Variants in PTK2B observed in about 807,000 individuals in gnomAD.
PTK2B encodes the protein protein tyrosine kinase 2 beta.
A neutral mutation model predicts 142.9 loss-of-function variants in PTK2B; 71 were observed. The ratio of observed to expected loss-of-function variants is 0.50; its 90% CI spans 0.41 to 0.61. The LOEUF is 0.61. Among genes scored for constraint, PTK2B ranks in the 20% least tolerant of loss-of-function variants. The pLI, the probability that PTK2B is intolerant of heterozygous loss-of-function variation, is 0.00. For missense variants in PTK2B, 1,105 were observed against 1,320.4 expected, an observed-to-expected ratio of 0.84 and a Z score of 2.53; for synonymous variants, 519 against 503.4, an observed-to-expected ratio of 1.03 and a Z score of -0.42.
intron 2 of PTK2B, 129 bp from the exon 3 acceptor site, chr8:27,419,766 A>C: frequency 1.0e-6 from 1 of 963,990 alleles, no homozygotes; most frequent in South Asian, 1.7e-5. Context: ...AATGCTAGAG[A>C]ATCAGAGACA....
At chr8:27,425,732 G>A (rs372712153) in intron 5 of PTK2B, among the ~76,000 whole-genome samples, 10 of 152,112 alleles carry the variant, frequency 6.6e-5, no homozygotes, top group Non-Finnish European at 1.2e-4. Context: ...ATAGCATTAC[G>A]CAGAGTAGTT....
intron 1 of PTK2B, among the ~76,000 whole-genome samples, chr8:27,370,502 G>A (rs532192186): frequency 3.3e-5 from 5 of 152,132 alleles, no homozygotes; most frequent in South Asian, 4.1e-4. Flanking sequence ...CTTCCGTTAC[G>A]GCCTTCATCC....
chr8:27,347,242 T>C (rs1158444712), intron 1 of PTK2B, among the ~76,000 whole-genome samples: 3 of 148,942 alleles, frequency 2.0e-5, no homozygotes, highest in African/African-American at 7.4e-5. Flanking sequence ...TAACCAAGCA[T>C]GGTGGCATGC....
At chr8:27,317,792 G>A (rs1352164245) in intron 3 of PTK2B, among the ~76,000 whole-genome samples, 1 of 152,038 alleles carries the variant, frequency 6.6e-6, no homozygotes, top group Admixed American at 6.6e-5. Flanking sequence ...TTCGGCTTTC[G>A]ACCTCTTGTT....
intron 2 of PTK2B, 103 bp from the exon 3 acceptor site, chr8:27,419,792 C>G (rs1809628440): frequency 1.6e-6 from 2 of 1,263,790 alleles, no homozygotes; most frequent in Non-Finnish European, 2.2e-6. Context: ...AACATGAAGA[C>G]AGAATCCCAC....
intron 1 of PTK2B, among the ~76,000 whole-genome samples, chr8:27,354,013 A>C (rs1805255402): frequency 6.6e-6 from 1 of 152,118 alleles, no homozygotes; most frequent in African/African-American, 2.4e-5. Flanking sequence ...GGGAATCAGG[A>C]CCTCATCCCA....
intron 2 of PTK2B, among the ~76,000 whole-genome samples, chr8:27,412,161 G>GA (rs1563263418): frequency 6.6e-6 from 1 of 151,644 alleles, no homozygotes; most frequent in Admixed American, 6.6e-5. Flanking sequence ...TACAGGCATC[G>GA]TTGATTGATT....
At chr8:27,408,163 G>C (rs725789) in intron 2 of PTK2B, among the ~76,000 whole-genome samples, 5,056 of 151,466 alleles carry the variant, frequency 0.033, 292 homozygotes, top group African/African-American at 0.12. Context: ...ATAGAAACTA[G>C]GATTGTCTTC....
intron 1 of PTK2B, among the ~76,000 whole-genome samples, chr8:27,377,568 A>C (rs1435306649): frequency 2.0e-5 from 3 of 152,152 alleles, no homozygotes; most frequent in Non-Finnish European, 4.4e-5. Flanking sequence ...TTCTGTCTCC[A>C]GCTGAGTGTG....
chr8:27,444,975 T>G (rs1479462937), intron 23 of PTK2B, among the ~76,000 whole-genome samples: 1 of 152,044 alleles, frequency 6.6e-6, no homozygotes, highest in Non-Finnish European at 1.5e-5. Context: ...AACAAGACCA[T>G]CTAAGGACTA....
At chr8:27,445,046 G>GA (rs1290753843) in intron 23 of PTK2B, among the ~76,000 whole-genome samples, 6 of 151,498 alleles carry the variant, frequency 4.0e-5, no homozygotes, top group Admixed American at 2.0e-4. Flanking sequence ...AAATCGTTCT[G>GA]AAAAAAAAGA....
rs144318332 is a variant in PTK2B at position 27,414,781 on chromosome 8, C to G, written c.205-5114C>G. ...TATCCTCAATACATTTACTTCTTTG[C>G]TCACTCCCCCCTTTGGTTACTTCTT... is the stretch of plus-strand genomic sequence containing the variant. On this transcript the variant is annotated intron_variant, in intron 2 of 30. Transcript: ENST00000346049. Among the ~76,000 whole-genome samples, 1,485 of 152,156 alleles carry G rather than the reference C, an allele frequency of 9.8e-3. 17 individuals carry two copies. Among genetic ancestry groups the G allele is most frequent in the African/African-American group, 0.033 (1,349 of 41,486 alleles).
intron 1 of PTK2B, among the ~76,000 whole-genome samples, chr8:27,371,995 C>T (rs1806389958): frequency 6.6e-6 from 1 of 152,210 alleles, no homozygotes; most frequent in African/African-American, 2.4e-5. Context: ...CTCATATGTT[C>T]TGCAAGGGGA....
upstream of PTK2B, among the ~76,000 whole-genome samples, chr8:27,324,447 T>A (rs979704498): frequency 6.6e-6 from 1 of 152,216 alleles, no homozygotes; most frequent in Non-Finnish European, 1.5e-5. Flanking sequence ...CAGAGTGACA[T>A]CCAGCCAATA....
intron 23 of PTK2B, among the ~76,000 whole-genome samples, chr8:27,445,178 T>C (rs978340639): frequency 1.8e-4 from 27 of 152,190 alleles, no homozygotes; most frequent in African/African-American, 5.6e-4. Flanking sequence ...GAGACCAGCC[T>C]GGGCAATATA....
Position 27,437,410 on chromosome 8 carries a change from C to T in PTK2B, c.1441C>T (p.Leu481Phe), listed in dbSNP as rs1810851977. 6.2e-7 allele frequency: 1 copy of T among 1,612,330 alleles called. No homozygotes were observed. Among genetic ancestry groups the T allele is most frequent in the South Asian group, 1.1e-5 (1 of 90,826 alleles). The change falls in exon 17 of 31, where the codon CTC becomes TTC. Residue 481 changes from leucine to phenylalanine, a missense_variant. Leu to Phe is a conservative substitution (Grantham distance 22). Transcript: ENST00000346049. The part of the protein sequence containing the change: ...FMSEAVIMKN[L>F]DHPHIVKLIG... ...CCACACTGCAGTGATCATGAAGAACCTCGACCACCCGCACATCGTGAAGCT... is the reference window on the plus strand; with the variant it reads ...CCACACTGCAGTGATCATGAAGAACTTCGACCACCCGCACATCGTGAAGCT...
intron 1 of PTK2B, among the ~76,000 whole-genome samples, chr8:27,338,462 G>A (rs1804209766): frequency 1.3e-5 from 2 of 152,066 alleles, no homozygotes; most frequent in African/African-American, 4.8e-5. Context: ...AGTGGTGTGA[G>A]TCCATCAAAA....
At chr8:27,381,705 T>C (rs1311734351) in intron 1 of PTK2B, among the ~76,000 whole-genome samples, 1 of 152,228 alleles carries the variant, frequency 6.6e-6, no homozygotes, top group Non-Finnish European at 1.5e-5. Context: ...GTTCTAGTTC[T>C]ATTTGTAGTT....
chr8:27,441,085 T>C (rs1811131744), intron 21 of PTK2B, among the ~76,000 whole-genome samples: 1 of 152,048 alleles, frequency 6.6e-6, no homozygotes, highest in Admixed American at 6.6e-5. Flanking sequence ...CAGTAAGCAT[T>C]TTCTATAAAG....
Sources: allele counts gnomAD v4.1 joint callset (sites outside exome capture counted in the v4.1 genomes callset), GRCh38; gene constraint gnomAD v4.1.1; transcripts MANE v1.5; gene names NCBI Gene and HGNC (gene_info 2026-07-23, HGNC 2026-07-21).